The following CTNNA3 variants were observed in gnomAD, a reference collection of about 807,000 sequenced individuals.
The protein encoded by CTNNA3 is catenin alpha-3.
A neutral mutation model predicts 95.7 loss-of-function variants in CTNNA3; 76 were observed. That is an observed-to-expected ratio of 0.79 (90% confidence interval 0.66 to 0.96). The LOEUF (loss-of-function observed/expected upper bound fraction) is 0.96, where lower values mean the gene tolerates loss of function less well. Ranked by LOEUF, CTNNA3 falls within the 40% of genes least tolerant of loss-of-function variation. The pLI is 0.00. For missense variants in CTNNA3, 1,191 were observed against 1,089.8 expected (o/e 1.09, Z -1.31); for synonymous variants, 431 against 374.4 (o/e 1.15, Z -1.74).
intron 12 of CTNNA3, among the ~76,000 whole-genome samples, chr10:66,297,416 G>A (rs997734100): frequency 6.6e-6 from 1 of 151,890 alleles, no homozygotes; most frequent in South Asian, 2.1e-4. Flanking sequence ...CTGAAAACTG[G>A]TTTAAGAATA....
intron 7 of CTNNA3, among the ~76,000 whole-genome samples, chr10:66,994,136 C>T (rs1473346239): frequency 1.3e-5 from 2 of 151,988 alleles, no homozygotes; most frequent in East Asian, 1.9e-4. Flanking sequence ...AAGTGAGTTG[C>T]CATCACTATA....
chr10:66,365,757 GCTCT>G (rs71035132), intron 12 of CTNNA3, among the ~76,000 whole-genome samples: 120 of 113,106 alleles, frequency 1.1e-3, no homozygotes, highest in Middle Eastern at 9.7e-3. Flanking sequence ...TGCATCTTAG[GCTCT>G]CTCTCTCTCT....
intron 5 of CTNNA3, among the ~76,000 whole-genome samples, chr10:67,234,391 A>G (rs1371986705): frequency 2.0e-5 from 3 of 152,380 alleles, no homozygotes; most frequent in Non-Finnish European, 2.9e-5. Flanking sequence ...TCCAGCATTT[A>G]AACAGAAGCA....
At chr10:66,595,846 A>G (rs1843696906) in intron 10 of CTNNA3, among the ~76,000 whole-genome samples, 1 of 151,872 alleles carries the variant, frequency 6.6e-6, no homozygotes, top group Admixed American at 6.6e-5. Flanking sequence ...GACGGGTTTC[A>G]CTGTGTTGCA....
At chr10:66,684,558 T>C (rs1015743021) in intron 9 of CTNNA3, among the ~76,000 whole-genome samples, 10 of 152,172 alleles carry the variant, frequency 6.6e-5, no homozygotes, top group African/African-American at 2.4e-4. Context: ...AGCAGTCTTT[T>C]TCTTCAATTA....
intron 11 of CTNNA3, among the ~76,000 whole-genome samples, chr10:66,492,648 A>T (rs1477014739): frequency 2.6e-5 from 4 of 152,066 alleles, no homozygotes; most frequent in Non-Finnish European, 5.9e-5. Context: ...CTCCAGCACC[A>T]TTGTTATTCC....
At chr10:66,880,343 C>G (rs1005508600) in intron 7 of CTNNA3, among the ~76,000 whole-genome samples, 1 of 152,062 alleles carries the variant, frequency 6.6e-6, no homozygotes, top group South Asian at 2.1e-4. Context: ...TAAAGAGCCA[C>G]AAGATGGTAT....
chr10:67,526,944 T>C (rs1166334151), intron 4 of CTNNA3, among the ~76,000 whole-genome samples: 2 of 152,154 alleles, frequency 1.3e-5, no homozygotes, highest in Non-Finnish European at 2.9e-5. Context: ...GGTGGAAAAA[T>C]GACGAAATCA....
intron 12 of CTNNA3, among the ~76,000 whole-genome samples, chr10:66,365,059 T>G (rs2092701938): frequency 6.6e-6 from 1 of 152,166 alleles, no homozygotes; most frequent in Non-Finnish European, 1.5e-5. Flanking sequence ...TTTCCAGTAT[T>G]AAATGTCAGG....
chr10:66,729,559 TATGTTCTCACTTATA>T (rs71466893), intron 9 of CTNNA3, among the ~76,000 whole-genome samples: 4,180 of 152,304 alleles, frequency 0.027, 157 homozygotes, highest in East Asian at 0.2. Context: ...CCAAACATTG[TATGTTCTCACTTATA>T]AGTGGGAGCT....
chr10:67,312,020 T>C (rs1840828181), intron 5 of CTNNA3, among the ~76,000 whole-genome samples: 1 of 151,990 alleles, frequency 6.6e-6, no homozygotes, highest in African/African-American at 2.4e-5. Context: ...ACCGAGCTGA[T>C]TTTTTAAAGT....
intron 7 of CTNNA3, among the ~76,000 whole-genome samples, chr10:66,829,737 G>A (rs1241399340): frequency 2.7e-5 from 4 of 150,778 alleles, no homozygotes; most frequent in Non-Finnish European, 5.9e-5. Flanking sequence ...ACCACACTTT[G>A]GGAAACACTG....
intron 11 of CTNNA3, among the ~76,000 whole-genome samples, chr10:66,384,594 A>G (rs1466319152): frequency 1.3e-5 from 2 of 152,202 alleles, no homozygotes; most frequent in Admixed American, 6.5e-5. Flanking sequence ...GGCAGACCTA[A>G]TAGACATCTA....
Position 65,916,274 on chromosome 10 carries a change from A to T in CTNNA3, c.*4056T>A, listed in dbSNP as rs1368707384. 6.6e-6 allele frequency: 1 copy of T among 152,138 alleles called. No individual in the cohort carries two copies. The highest frequency in any genetic ancestry group is 1.5e-5 in the Non-Finnish European group (1 of 68,018). The allele number at this position is 152,138 out of a possible 1,614,324, so 9.4% of individuals were successfully genotyped here. On this transcript the variant is annotated 3_prime_UTR_variant, in exon 18 of 18. Coordinates refer to ENST00000433211, the MANE Select transcript of CTNNA3 (RefSeq NM_013266.4). ...TCTGGCTTTACAAACAGAAAAAATG[A>T]ATATTTGATTCCTAAATATACAATA...
At chr10:67,139,688 C>T (rs568219246) in intron 7 of CTNNA3, among the ~76,000 whole-genome samples, 4 of 152,294 alleles carry the variant, frequency 2.6e-5, no homozygotes, top group African/African-American at 9.6e-5. Flanking sequence ...GCTGGAATTA[C>T]AGGTGTGAGC....
chr10:67,490,041 G>A (rs368394339), intron 5 of CTNNA3, among the ~76,000 whole-genome samples: 2 of 152,040 alleles, frequency 1.3e-5, no homozygotes, highest in African/African-American at 2.4e-5. Flanking sequence ...TTATTCTCAT[G>A]TATTTTCCCA....
chr10:66,948,752 C>A (rs1848396976), intron 7 of CTNNA3, among the ~76,000 whole-genome samples: 1 of 152,024 alleles, frequency 6.6e-6, no homozygotes, highest in South Asian at 2.1e-4. Context: ...TTATTTGCTC[C>A]CTTCATTCCT....
At chr10:67,558,846 G>A (rs967602064) in intron 3 of CTNNA3, among the ~76,000 whole-genome samples, 1 of 152,198 alleles carries the variant, frequency 6.6e-6, no homozygotes, top group Non-Finnish European at 1.5e-5. Context: ...TCCCGCACAT[G>A]GCTCGGAGGG....
intron 1 of CTNNA3, among the ~76,000 whole-genome samples, chr10:67,710,729 C>T (rs1841102668): frequency 6.6e-6 from 1 of 152,156 alleles, no homozygotes; most frequent in African/African-American, 2.4e-5. Context: ...TATCTTGCCT[C>T]TTTGTGGAAA....
Sources: gnomAD v4.1 joint callset for allele counts (sites outside exome capture counted in the v4.1 genomes callset) on GRCh38, gnomAD v4.1.1 for gene constraint, MANE v1.5 for transcripts, NCBI Gene and HGNC (gene_info 2026-07-23, HGNC 2026-07-21) for gene names.